The following IL1RAPL1 variants were observed in gnomAD, a reference collection of about 807,000 sequenced individuals.
IL1RAPL1 encodes the protein interleukin-1 receptor accessory protein-like 1.
In IL1RAPL1, 3 loss-of-function variants were observed where a neutral mutation model predicts 48.4. That is an observed-to-expected ratio of 0.06 (90% CI 0.03 to 0.16). The LOEUF (loss-of-function observed/expected upper bound fraction) is 0.16, where lower values mean the gene tolerates loss of function less well. Among genes scored for constraint, IL1RAPL1 ranks in the 10% least tolerant of loss-of-function variants. The pLI, the probability that IL1RAPL1 is intolerant of heterozygous loss-of-function variation, is 1.00. For missense variants in IL1RAPL1, 349 were observed against 530.6 expected (o/e 0.66, Z 3.36); for synonymous variants, 185 against 187.7 (o/e 0.99, Z 0.12).
intron 3 of IL1RAPL1, among the ~76,000 whole-genome samples, chrX:29,351,545 C>T (rs1376680421): frequency 8.9e-6 from 1 of 112,003 alleles, no homozygotes; most frequent in Non-Finnish European, 1.9e-5. Flanking sequence ...ATTCCCTTTG[C>T]GTTCATTTTC....
In IL1RAPL1 at chrX:28,696,728, TA is replaced by T. The variant is rs199643093; in HGVS notation, c.-24-92584del. Among the ~76,000 whole-genome samples, 781 of 110,997 alleles carry T rather than the reference TA, an allele frequency of 7.0e-3. 9 individuals are homozygous for T. Among genetic ancestry groups the T allele is most frequent in the Middle Eastern group, 0.014 (3 of 214 alleles). ...TATTAAATAAGTATAATTTTATAAG[TA>T]AAAAAAATAGTCATTGAATCTGTCT... On this transcript the variant is annotated intron_variant, in intron 1 of 10. Transcript: ENST00000378993.
rs182572432 is a variant in IL1RAPL1, at chrX:29,693,588, T to C, written c.778+25084T>C. 4.8e-4 allele frequency among the ~76,000 whole-genome samples: 54 copies of C among 112,323 alleles called. No homozygotes were observed. The East Asian group carries it at 0.014, about 30-fold the overall frequency. ...AAACTAAACTGTCAACAAGTCTTCATAGAGGATTTATGAGCTTGAGCAATA... is the reference window on the plus strand; with the variant it reads ...AAACTAAACTGTCAACAAGTCTTCACAGAGGATTTATGAGCTTGAGCAATA... On this transcript the variant is annotated intron_variant, in intron 6 of 10. Transcript: ENST00000378993.
At chrX:29,693,107 G>A (rs1926816950) in intron 6 of IL1RAPL1, among the ~76,000 whole-genome samples, 1 of 111,932 alleles carries the variant, frequency 8.9e-6, no homozygotes, top group Admixed American at 9.5e-5. Context: ...TAAACATATT[G>A]TCCCTGTGAT....
intron 5 of IL1RAPL1, among the ~76,000 whole-genome samples, chrX:29,552,942 G>C (rs1383025330): frequency 9.6e-6 from 1 of 104,549 alleles, no homozygotes; most frequent in Non-Finnish European, 1.9e-5. Flanking sequence ...TAATGTATTT[G>C]ATCTCTAGCA....
At chrX:29,828,948 AT>A (rs1158265724) in intron 6 of IL1RAPL1, among the ~76,000 whole-genome samples, 56 of 109,868 alleles carry the variant, frequency 5.1e-4, no homozygotes, top group African/African-American at 1.8e-3. Context: ...AGAAGGAGAG[AT>A]TTTTTCTGAA....
intron 5 of IL1RAPL1, among the ~76,000 whole-genome samples, chrX:29,575,764 C>A (rs1922753970): frequency 8.9e-6 from 1 of 112,247 alleles, no homozygotes; most frequent in Non-Finnish European, 1.9e-5. Context: ...TGGCCTGTAC[C>A]TGTTAGGGTG....
At chrX:29,908,283 C>T (rs1246725352) in intron 6 of IL1RAPL1, among the ~76,000 whole-genome samples, 1 of 109,285 alleles carries the variant, frequency 9.2e-6, no homozygotes, top group Non-Finnish European at 1.9e-5. Flanking sequence ...AAGCCTTGTG[C>T]CTGTAATCAC....
intron 3 of IL1RAPL1, among the ~76,000 whole-genome samples, chrX:29,285,105 C>T (rs5943637): frequency 2.7e-5 from 3 of 111,760 alleles, no homozygotes; most frequent in Non-Finnish European, 3.8e-5. Context: ...TACTACATTT[C>T]GTCACTTATT....
intron 2 of IL1RAPL1, among the ~76,000 whole-genome samples, chrX:29,176,170 T>C (rs1219977719): frequency 1.0e-5 from 1 of 99,775 alleles, no homozygotes; most frequent in East Asian, 3.5e-4. Flanking sequence ...CTCGGCTCAC[T>C]ACAAGCTCCA....
intron 5 of IL1RAPL1, among the ~76,000 whole-genome samples, chrX:29,637,281 C>CAT (rs58166479): frequency 0.24 from 23,840 of 98,671 alleles, 2,310 homozygotes; most frequent in Middle Eastern, 0.34. Context: ...ATATATATAA[C>CAT]ATATATATAT....
chrX:28,838,521 C>T (rs1376796885), intron 2 of IL1RAPL1, among the ~76,000 whole-genome samples: 1 of 110,688 alleles, frequency 9.0e-6, no homozygotes, highest in Non-Finnish European at 1.9e-5. Flanking sequence ...TAGGGAAGAA[C>T]ATATGGGTCA....
Position 29,096,480 on chromosome X carries a change from T to A in IL1RAPL1, c.83-186458T>A. Among the ~76,000 whole-genome samples, 2 of 111,753 alleles carry A rather than the reference T, an allele frequency of 1.8e-5. 1 individual carries two copies. Among genetic ancestry groups the A allele is most frequent in the Middle Eastern group, 8.4e-3 (2 of 238 alleles). The stretch of plus-strand genomic sequence containing the variant: ...GTCCCATGAGTGAAAATACCTATAA[T>A]GTAAGGTCAGTTGCCAATTATAAAA... On this transcript the variant is annotated intron_variant, in intron 2 of 10. Coordinates refer to ENST00000378993, the MANE Select transcript of IL1RAPL1 (RefSeq NM_014271.4).
chrX:29,213,139 C>T (rs768366715), intron 2 of IL1RAPL1, among the ~76,000 whole-genome samples: 97 of 111,792 alleles, frequency 8.7e-4, no homozygotes, highest in African/African-American at 3.1e-3. Flanking sequence ...GCTGGGATTA[C>T]AGGCATCCAC....
intron 2 of IL1RAPL1, among the ~76,000 whole-genome samples, chrX:29,080,994 TTCTCTC>T (rs201299964): frequency 0.036 from 938 of 26,397 alleles, 54 homozygotes; most frequent in African/African-American, 0.096. Context: ...CTTTCTTTCT[TTCTCTC>T]TCTCTCTCTC....
At chrX:29,556,841 G>C (rs1037159074) in intron 5 of IL1RAPL1, among the ~76,000 whole-genome samples, 2 of 111,397 alleles carry the variant, frequency 1.8e-5, no homozygotes, top group Non-Finnish European at 3.8e-5. Flanking sequence ...TAAATTAGTG[G>C]TTCTCAATTC....
chrX:29,700,771 A>G (rs1380906104), intron 6 of IL1RAPL1, among the ~76,000 whole-genome samples: 1 of 111,717 alleles, frequency 9.0e-6, no homozygotes, highest in African/African-American at 3.3e-5. Context: ...ACTGCCTGCA[A>G]TTATTGTTTA....
chrX:29,822,457 C>T (rs1467241057), intron 6 of IL1RAPL1, among the ~76,000 whole-genome samples: 1 of 109,649 alleles, frequency 9.1e-6, no homozygotes, highest in East Asian at 2.8e-4. Context: ...TACAGATATA[C>T]ACTTTTTTTT....
chrX:29,570,904 C>T (rs1464601305), intron 5 of IL1RAPL1, among the ~76,000 whole-genome samples: 1 of 112,370 alleles, frequency 8.9e-6, no homozygotes, highest in East Asian at 2.8e-4. Context: ...TCTTATTTGT[C>T]TTCTGTCCAA....
At chrX:29,067,050 G>C (rs945853388) in intron 2 of IL1RAPL1, among the ~76,000 whole-genome samples, 6 of 111,441 alleles carry the variant, frequency 5.4e-5, no homozygotes, top group African/African-American at 2.0e-4. Context: ...TTCATTTGCT[G>C]CTTGCCCTTA....
Sources: gnomAD v4.1 joint callset for allele counts (sites outside exome capture counted in the v4.1 genomes callset) on GRCh38, gnomAD v4.1.1 for gene constraint, MANE v1.5 for transcripts, NCBI Gene and HGNC (gene_info 2026-07-23, HGNC 2026-07-21) for gene names.